RAB37: variants seen among roughly 807,000 people sequenced by gnomAD.
RAB37 encodes RAB37, member RAS oncogene family, also known as ras-related protein Rab-37.
RAB37 carries 29 observed loss-of-function variants against 33.1 expected under a neutral mutation model. The ratio of observed to expected loss-of-function variants is 0.88; its 90% CI spans 0.65 to 1.20. The LOEUF (loss-of-function observed/expected upper bound fraction) is 1.20, where lower values mean the gene tolerates loss of function less well. Ranked by LOEUF, RAB37 falls within the 50% of genes most tolerant of loss-of-function variation. The probability of loss-of-function intolerance (pLI) is 0.00; values close to 1 mark genes in which losing one functional copy is unlikely to be tolerated. For synonymous variants in RAB37, 128 were observed against 119.5 expected (o/e 1.07, Z -0.47); for missense variants, 299 against 301.1 (o/e 0.99, Z 0.05).
rs553532252 is a variant in RAB37 at position 74,676,298 on chromosome 17, C to T, written c.72+4640C>T. On this transcript the variant is annotated intron_variant, in intron 1 of 7. Coordinates refer to the RAB37 transcript ENST00000340415. This position sits in a 1 kb window ranked among gnomAD's most constrained non-coding sequence, Gnocchi z 4.1. Reference sequence around the variant, plus strand: ...CATACCAGACTAGCTTCCAGAGGGACGAACAATTCCTAGGACAAAGTCAGT... The same window carrying T: ...CATACCAGACTAGCTTCCAGAGGGATGAACAATTCCTAGGACAAAGTCAGT... Among the ~76,000 whole-genome samples the T allele has an allele frequency of 1.9e-3, 292 of 152,116 alleles. 2 individuals carry two copies. Among genetic ancestry groups the T allele is most frequent in the African/African-American group, 6.2e-3 (259 of 41,476 alleles).
chr17:74,671,405 G>A lies in RAB37; in HGVS notation c.-182G>A, dbSNP rs1312223025. On this transcript the variant is annotated 5_prime_UTR_variant, in exon 1 of 8. Coordinates refer to the RAB37 transcript ENST00000340415. This position sits in a 1 kb window ranked among gnomAD's most constrained non-coding sequence, Gnocchi z 5.0. ...CGCTCAGTCCTGGAAGAACGTGGCC[G>A]CCTGCCCGCCTGGTACCGCGCCGCG... 6.6e-6 allele frequency: 4 copies of A among 601,540 alleles called. No homozygotes were observed. The highest frequency in any genetic ancestry group is 1.2e-5 in the Non-Finnish European group (4 of 340,766). 37.3% of individuals were successfully genotyped at this position (601,540 alleles called of 1,614,324 possible).
Position 74,671,399 on chromosome 17 carries a change from G to C in RAB37, c.-188G>C, listed in dbSNP as rs184013364. 5.0e-6 allele frequency: 3 copies of C among 595,916 alleles called. No homozygotes were observed. The highest frequency in any genetic ancestry group is 8.9e-6 in the Non-Finnish European group (3 of 336,590). The allele number at this position is 595,916 out of a possible 1,614,324, so 36.9% of individuals were successfully genotyped here. A position where few individuals can be genotyped will look rare whatever the true frequency, so the allele number is the denominator to read the frequency against. On this transcript the variant is annotated 5_prime_UTR_variant, in exon 1 of 8. Coordinates refer to the RAB37 transcript ENST00000340415. This position sits in a 1 kb window ranked among gnomAD's most constrained non-coding sequence, Gnocchi z 5.0. ...CTGAAACGCTCAGTCCTGGAAGAAC[G>C]TGGCCGCCTGCCCGCCTGGTACCGC...
At chr17:74,740,424 C>T (rs1219398908) in intron 1 of RAB37, among the ~76,000 whole-genome samples, 2 of 152,140 alleles carry the variant, frequency 1.3e-5, no homozygotes, top group Non-Finnish European at 2.9e-5. Flanking sequence ...CATGGTGTGG[C>T]TATGGGCAAA....
Position 74,720,510 on chromosome 17 carries a change from G to A in RAB37, c.73-8746G>A, listed in dbSNP as rs148549657. On this transcript the variant is annotated intron_variant, in intron 1 of 7. Coordinates refer to the RAB37 transcript ENST00000340415. ...GGAGGCTGAGGCAGGAGAATTGCTT[G>A]AACCCAGGAGGTGGAGGTTGCAGTG... is the stretch of plus-strand genomic sequence containing the variant. 2.7e-3 allele frequency among the ~76,000 whole-genome samples: 416 copies of A among 152,196 alleles called. 2 individuals carry two copies. Among genetic ancestry groups the A allele is most frequent in the Middle Eastern group, 0.014 (4 of 294 alleles).
At position 74,730,440 on chromosome 17, in the gene RAB37, C is replaced by T. The variant is rs1487989093; in HGVS notation, c.183+1074C>T. On this transcript the variant is annotated intron_variant, in intron 2 of 7. Transcript: ENST00000340415. This position sits in a 1 kb window ranked among gnomAD's most constrained non-coding sequence, Gnocchi z 4.4. ...ATGAACATGGCTTCTGCATGACCTT[C>T]CAGGAGGCAAAGCGGAAGTGAGTGC... is the stretch of plus-strand genomic sequence containing the variant. Among the ~76,000 whole-genome samples, 3 of 152,162 alleles carry T rather than the reference C, an allele frequency of 2.0e-5. No homozygotes were observed. The highest frequency in any genetic ancestry group is 4.8e-5 in the African/African-American group (2 of 41,446).
chr17:74,707,749 C>T (rs1022677515), intron 1 of RAB37, among the ~76,000 whole-genome samples: 14 of 151,034 alleles, frequency 9.3e-5, no homozygotes, highest in Admixed American at 3.3e-4. Context: ...TGGTATATGA[C>T]TGTATATCCT....
rs565972600 is a variant in RAB37 at position 74,725,698 on chromosome 17, A to G, written c.73-3558A>G. Reference sequence around the variant, plus strand: ...GAGTGCAGTGGCATGATCTTGGCTCACCGCAACCTCCACCACCCGGGTTCA... The same window carrying G: ...GAGTGCAGTGGCATGATCTTGGCTCGCCGCAACCTCCACCACCCGGGTTCA... On this transcript the variant is annotated intron_variant, in intron 1 of 7. Transcript: ENST00000340415. Among the ~76,000 whole-genome samples the G allele has an allele frequency of 2.0e-5, 3 of 151,428 alleles. No individual in the cohort carries two copies. The East Asian group carries it at 5.9e-4, about 30-fold the overall frequency.
At chr17:74,682,883 A>G (rs1341531473) in intron 1 of RAB37, among the ~76,000 whole-genome samples, 2 of 152,194 alleles carry the variant, frequency 1.3e-5, no homozygotes, top group Non-Finnish European at 2.9e-5. Flanking sequence ...CAGCCTGGGC[A>G]ATAAGAGCGA....
In RAB37 at chr17:74,676,095, T is replaced by C. The variant is rs1174331125; in HGVS notation, c.72+4437T>C. Among the ~76,000 whole-genome samples, 1 of 152,094 alleles carries C rather than the reference T, an allele frequency of 6.6e-6. No individual in the cohort carries two copies. The highest frequency in any genetic ancestry group is 1.9e-4 in the East Asian group (1 of 5,198). ...TAGGGGTTCAGGAACAGCCCACGGATTGGGTCCCTACTGTGCCAGGGTCTG... is the reference window on the plus strand; with the variant it reads ...TAGGGGTTCAGGAACAGCCCACGGACTGGGTCCCTACTGTGCCAGGGTCTG... On this transcript the variant is annotated intron_variant, in intron 1 of 7. Transcript: ENST00000340415. The surrounding 1 kb of genome is among the most constrained non-coding windows in gnomAD (Gnocchi z 4.1).
At chr17:74,704,449 G>T in intron 1 of RAB37, 2 of 1,498,618 alleles carry the variant, frequency 1.3e-6, no homozygotes, top group South Asian at 1.2e-5. Flanking sequence ...GGCCCTGAGA[G>T]ACACACACAT....
At chr17:74,706,937 C>T (rs1022265984) in intron 1 of RAB37, among the ~76,000 whole-genome samples, 10 of 152,288 alleles carry the variant, frequency 6.6e-5, no homozygotes, top group African/African-American at 2.4e-4. Context: ...ACATCCACGT[C>T]CAGAAGAATG....
intron 1 of RAB37, among the ~76,000 whole-genome samples, chr17:74,717,707 G>C (rs1352643805): frequency 6.6e-6 from 1 of 151,752 alleles, no homozygotes; most frequent in African/African-American, 2.4e-5. Context: ...TACTCAGGAG[G>C]CTGAGGCAGA....
Position 74,726,858 on chromosome 17 carries a change from A to C in RAB37, c.73-2398A>C, listed in dbSNP as rs2034313350. Among the ~76,000 whole-genome samples, 3 of 152,148 alleles carry C rather than the reference A, an allele frequency of 2.0e-5. No individual in the cohort carries two copies. In the South Asian group the frequency reaches 6.2e-4, roughly 32 times the overall value. On this transcript the variant is annotated intron_variant, in intron 1 of 7. Coordinates refer to the RAB37 transcript ENST00000340415. ...TTTTACAAGTCCAGCTAAAGTTTGCACCTCCTAGTCCTTTCACACAGTCTT... is the reference window on the plus strand; with the variant it reads ...TTTTACAAGTCCAGCTAAAGTTTGCCCCTCCTAGTCCTTTCACACAGTCTT...
chr17:74,710,251 A>G (rs2033848791), intron 1 of RAB37, among the ~76,000 whole-genome samples: 1 of 152,206 alleles, frequency 6.6e-6, no homozygotes, highest in Non-Finnish European at 1.5e-5. Flanking sequence ...CTGGGATTAC[A>G]GGCGTGAGCC....
chr17:74,696,264 C>T (rs1263216615), intron 1 of RAB37: 8 of 1,573,666 alleles, frequency 5.1e-6, no homozygotes, highest in Non-Finnish European at 6.9e-6. Flanking sequence ...ATTCCCCAGA[C>T]TCACAAGAAC....
intron 1 of RAB37, among the ~76,000 whole-genome samples, chr17:74,698,777 T>A (rs929526066): frequency 6.6e-5 from 10 of 152,194 alleles, no homozygotes; most frequent in Non-Finnish European, 1.5e-5. Context: ...ACCTATTACC[T>A]GGGTGACAAA....
At chr17:74,728,817 GT>G (rs897733344) in intron 1 of RAB37, among the ~76,000 whole-genome samples, 7 of 151,624 alleles carry the variant, frequency 4.6e-5, no homozygotes, top group Admixed American at 2.0e-4. Context: ...GTGTACATGT[GT>G]TTTTCTGTGT....
chr17:74,736,518 TGA>T (rs1403462764), upstream of RAB37: 1 of 1,432,810 alleles, frequency 7.0e-7, no homozygotes, highest in Non-Finnish European at 9.1e-7. Flanking sequence ...GGGGCCAGGG[TGA>T]GTGTCATGGG....
rs2034713834 is a variant in RAB37 at position 74,744,853 on chromosome 17, G to A, written c.433-20G>A. ...GGGCGGAGGCCTCCTTCCCCAGAGT[G>A]ACCCATTTGGGCTTGACAGGCGGAT... On this transcript the variant is annotated intron_variant, in intron 6 of 8. Coordinates refer to ENST00000392613, the MANE Select transcript of RAB37 (RefSeq NM_001006638.3). The surrounding 1 kb of genome is among the most constrained non-coding windows in gnomAD (Gnocchi z 4.2). 6.2e-7 allele frequency: 1 copy of A among 1,614,188 alleles called. No homozygotes were observed. Among genetic ancestry groups the A allele is most frequent in the South Asian group, 1.1e-5 (1 of 91,044 alleles).
Sources: allele counts gnomAD v4.1 joint callset (sites outside exome capture counted in the v4.1 genomes callset), GRCh38; gene constraint gnomAD v4.1.1; non-coding constraint Gnocchi (gnomAD v3.1); transcripts MANE v1.5; gene names NCBI Gene and HGNC (gene_info 2026-07-23, HGNC 2026-07-21).